FNIP1: variants seen among roughly 807,000 people sequenced by gnomAD.
FNIP1 encodes folliculin-interacting protein 1.
In FNIP1, 40 loss-of-function variants were observed where a neutral mutation model predicts 124.5. The observed-to-expected ratio is 0.32, with a 90% CI of 0.25 to 0.42. FNIP1 has a LOEUF of 0.42. FNIP1 is among the 10% of genes least tolerant of loss of function. The pLI, the probability that FNIP1 is intolerant of heterozygous loss-of-function variation, is 1.00. For missense variants in FNIP1, 1,176 were observed against 1,403.7 expected, an observed-to-expected ratio of 0.84 and a Z score of 2.59; for synonymous variants, 472 against 470.6, an observed-to-expected ratio of 1.00 and a Z score of -0.04.
At chr5:131,700,716 A>G (rs901351468) in intron 10 of FNIP1, among the ~76,000 whole-genome samples, 61 of 152,076 alleles carry the variant, frequency 4.0e-4, no homozygotes, top group African/African-American at 1.5e-3. Flanking sequence ...AGGTGTTCAG[A>G]AACAAAATCC....
chr5:131,719,281 T>G, intron 4 of FNIP1, 36 bp downstream of exon 4: 1 of 1,564,906 alleles, frequency 6.4e-7, no homozygotes, highest in African/African-American at 1.4e-5. Flanking sequence ...TATCTAAAAA[T>G]GGGACTCGTT....
At chr5:131,727,612 G>A (rs1374591122) in intron 3 of FNIP1, among the ~76,000 whole-genome samples, 1 of 152,074 alleles carries the variant, frequency 6.6e-6, no homozygotes, top group Non-Finnish European at 1.5e-5. Context: ...GCACACTCAT[G>A]GGTCTTGACT....
intron 5 of FNIP1, among the ~76,000 whole-genome samples, chr5:131,718,198 A>T (rs1407178111): frequency 6.6e-6 from 1 of 152,036 alleles, no homozygotes; most frequent in Admixed American, 6.6e-5. Flanking sequence ...CGAAAAAAAA[A>T]AAAAAAGACT....
chr5:131,678,877 C>T (rs1767988712), intron 12 of FNIP1, 152 bp downstream of exon 12: 1 of 577,506 alleles, frequency 1.7e-6, no homozygotes, highest in Non-Finnish European at 3.0e-6. Flanking sequence ...AATACTCTTC[C>T]ATACCCTATC....
chr5:131,688,043 G>A (rs1382345272), intron 11 of FNIP1, among the ~76,000 whole-genome samples: 2 of 152,066 alleles, frequency 1.3e-5, no homozygotes, highest in Non-Finnish European at 2.9e-5. Flanking sequence ...AAAATAGGTG[G>A]CAGGGAGAGG....
At chr5:131,793,493 T>C (rs1772477814) in intron 1 of FNIP1, among the ~76,000 whole-genome samples, 1 of 152,154 alleles carries the variant, frequency 6.6e-6, no homozygotes, top group Admixed American at 6.5e-5. Flanking sequence ...CTCAATTCTA[T>C]AAATGACTGA....
chr5:131,655,553 T>C (rs951291783), intron 15 of FNIP1, among the ~76,000 whole-genome samples: 1 of 152,170 alleles, frequency 6.6e-6, no homozygotes, highest in Non-Finnish European at 1.5e-5. Context: ...TGCACTACTA[T>C]AATAGTTTTG....
At chr5:131,739,752 G>T (rs536013264) in intron 2 of FNIP1, among the ~76,000 whole-genome samples, 1 of 142,276 alleles carries the variant, frequency 7.0e-6, no homozygotes, top group Non-Finnish European at 1.5e-5. Flanking sequence ...GGCGGAGCTT[G>T]TAGTGAGCTG....
At chr5:131,794,162 G>A (rs1184678920) in intron 1 of FNIP1, among the ~76,000 whole-genome samples, 3 of 147,452 alleles carry the variant, frequency 2.0e-5, no homozygotes, top group African/African-American at 7.5e-5. Flanking sequence ...AGCCCAGGAG[G>A]TCAAGGCTGC....
intron 1 of FNIP1, among the ~76,000 whole-genome samples, chr5:131,760,977 C>T (rs188829318): frequency 1.3e-5 from 2 of 152,204 alleles, no homozygotes; most frequent in Admixed American, 1.3e-4. Context: ...CAAAAACATT[C>T]CCAATACAGC....
Position 131,709,190 on chromosome 5 carries a change from C to T in FNIP1, c.778+11G>A, listed in dbSNP as rs371008551. The T allele has an allele frequency of 1.4e-5, 22 of 1,610,368 alleles. No homozygotes were observed. Among genetic ancestry groups the T allele is most frequent in the African/African-American group, 4.0e-5 (3 of 74,798 alleles). On this transcript the variant is annotated intron_variant, in intron 8 of 17. Transcript: ENST00000510461. Reference sequence around the variant, plus strand: ...TCTCATAAAAAACTGAATACAAGAACGTGACATTACCAGACCGTGCTATGC... The same window carrying T: ...TCTCATAAAAAACTGAATACAAGAATGTGACATTACCAGACCGTGCTATGC...
chr5:131,742,180 T>C (rs1561684732), intron 2 of FNIP1, among the ~76,000 whole-genome samples: 1 of 152,202 alleles, frequency 6.6e-6, no homozygotes, highest in Non-Finnish European at 1.5e-5. Context: ...TTTTGGTAAA[T>C]AGGCCAGGCA....
chr5:131,659,002 G>C (rs1462911596), intron 15 of FNIP1, among the ~76,000 whole-genome samples: 1 of 150,948 alleles, frequency 6.6e-6, no homozygotes, highest in Non-Finnish European at 1.5e-5. Flanking sequence ...GCACAAGTTA[G>C]GTTTTGTCAA....
intron 3 of FNIP1, among the ~76,000 whole-genome samples, chr5:131,726,281 CGTT>C (rs1295386927): frequency 2.0e-5 from 3 of 152,114 alleles, no homozygotes; most frequent in Non-Finnish European, 4.4e-5. Flanking sequence ...ACCAGCTCCT[CGTT>C]GTACCTCTGG....
chr5:131,677,841 T>C lies in FNIP1; in HGVS notation c.1381A>G (p.Thr461Ala), dbSNP rs1475503123. The C allele has an allele frequency of 6.2e-7, 1 of 1,614,052 alleles. No homozygotes were observed. The highest frequency in any genetic ancestry group is 8.5e-7 in the Non-Finnish European group (1 of 1,179,988). Residue 461 changes from threonine (T) to alanine (A), a missense_variant, in exon 13 of 18, where the codon ACC (threonine) becomes GCC (alanine). Around this residue, in one of 2 missense-constraint regions of FNIP1, gnomAD observed 1,109 missense variants for 1,288.5 expected, o/e 0.86. Transcript: ENST00000510461. ...FLPALITAVL[T>A]NHLAWVPTVM... ...GTTGGAACCCAGGCAAGATGATTGGTCAGAACTGCAGTAATGAGAGCTGGC... is the reference window on the plus strand; with the variant it reads ...GTTGGAACCCAGGCAAGATGATTGGCCAGAACTGCAGTAATGAGAGCTGGC...
At chr5:131,651,699 A>G (rs1767044453) in intron 16 of FNIP1, 103 bp downstream of exon 16, 11 of 1,057,780 alleles carry the variant, frequency 1.0e-5, no homozygotes, top group Non-Finnish European at 1.5e-5. Flanking sequence ...AGTTCGGGTA[A>G]TGACACAAAC....
intron 2 of FNIP1, among the ~76,000 whole-genome samples, chr5:131,734,663 A>G (rs1310023438): frequency 2.0e-5 from 3 of 152,234 alleles, no homozygotes; most frequent in African/African-American, 7.2e-5. Flanking sequence ...ATATGAACAG[A>G]CACCTCTCAA....
intron 1 of FNIP1, among the ~76,000 whole-genome samples, chr5:131,765,685 T>C (rs1771397301): frequency 1.3e-5 from 2 of 152,250 alleles, no homozygotes; most frequent in Non-Finnish European, 2.9e-5. Flanking sequence ...CAATGGTTTA[T>C]CTTTACAGTA....
At chr5:131,659,338 C>G (rs559172931) in intron 15 of FNIP1, among the ~76,000 whole-genome samples, 1 of 152,190 alleles carries the variant, frequency 6.6e-6, no homozygotes, top group Non-Finnish European at 1.5e-5. Context: ...GCTGGAAGAG[C>G]GCCTCAGGGC....
Sources: gnomAD v4.1 joint callset for allele counts (sites outside exome capture counted in the v4.1 genomes callset) on GRCh38, gnomAD v4.1.1 for gene constraint, gnomAD v4.1.1 regional missense constraint, MANE v1.5 for transcripts, NCBI Gene and HGNC (gene_info 2026-07-23, HGNC 2026-07-21) for gene names.